RIPOR1: variants seen among roughly 807,000 people sequenced by gnomAD.
The protein encoded by RIPOR1 is rho family-interacting cell polarization regulator 1.
A neutral mutation model predicts 116.5 loss-of-function variants in RIPOR1; 58 were observed. That is an observed-to-expected ratio of 0.50 (90% confidence interval 0.40 to 0.62). The LOEUF (loss-of-function observed/expected upper bound fraction) is 0.62, where lower values mean the gene tolerates loss of function less well. Among genes scored for constraint, RIPOR1 ranks in the 20% least tolerant of loss-of-function variants. The pLI, the probability that RIPOR1 is intolerant of heterozygous loss-of-function variation, is 0.00. For synonymous variants in RIPOR1, 605 were observed against 650.0 expected (o/e 0.93, Z 1.05); for missense variants, 1,372 against 1,586.2 (o/e 0.86, Z 2.29).
Position 67,531,538 on chromosome 16 carries a change from G to C in RIPOR1, c.-24+2624G>C. The stretch of plus-strand genomic sequence containing the variant: ...TCCTGGAGGAAGAAGTCATAGGGTA[G>C]ACTTGAGGAAGGAGAGGGACTTGGG... On this transcript the variant is annotated intron_variant, in intron 1 of 21. Coordinates refer to ENST00000042381, the MANE Select transcript of RIPOR1 (RefSeq NM_024519.4). This position sits in a 1 kb window ranked among gnomAD's most constrained non-coding sequence, Gnocchi z 4.2. 2.3e-6 allele frequency: 1 copy of C among 442,184 alleles called. No homozygotes were observed. Among genetic ancestry groups the C allele is most frequent in the Non-Finnish European group, 4.5e-6 (1 of 220,326 alleles). The allele number at this position is 442,184 out of a possible 1,614,324, so 27.4% of individuals were successfully genotyped here. A position where few individuals can be genotyped will look rare whatever the true frequency, so the allele number is the denominator to read the frequency against.
chr16:67,519,203 C>T (rs894075684), intron 1 of RIPOR1, among the ~76,000 whole-genome samples: 1 of 151,180 alleles, frequency 6.6e-6, no homozygotes, highest in African/African-American at 2.4e-5. Context: ...TTGCTTGAAC[C>T]TGGGAGGCGG....
At chr16:67,518,720 T>G (rs2050468649) in intron 1 of RIPOR1, 1 of 152,478 alleles carries the variant, frequency 6.6e-6, no homozygotes, top group Non-Finnish European at 1.5e-5. Flanking sequence ...ATCTGGGACC[T>G]CTGAGTCTGG....
Position 67,540,684 on chromosome 16 carries a change from A to G in RIPOR1, c.781A>G (p.Thr261Ala). 1 of 1,604,916 alleles carries G rather than the reference A, an allele frequency of 6.2e-7. No homozygotes were observed. The highest frequency in any genetic ancestry group is 8.5e-7 in the Non-Finnish European group (1 of 1,175,342). ...AGAAACCATCTTTCTCCCTCTACTC[A>G]CGGAATTTCTGTCTATTAAGGTGAT... ...SEETIFLPLLTEFLSIKVTEL... is the reference protein window; with the variant it reads ...SEETIFLPLLAEFLSIKVTEL... Residue 261 changes from threonine to alanine, a missense_variant, in exon 10 of 22, where the codon ACG becomes GCG. By Grantham distance (58) the Thr-to-Ala change is moderately conservative (BLOSUM62 0). Coordinates refer to ENST00000042381, the MANE Select transcript of RIPOR1 (RefSeq NM_024519.4). This position sits in a 1 kb window ranked among gnomAD's most constrained non-coding sequence, Gnocchi z 4.7.
chr16:67,539,034 G>A lies in RIPOR1; in HGVS notation c.302G>A (p.Gly101Glu). 1 of 1,613,400 alleles carries A rather than the reference G, an allele frequency of 6.2e-7. No homozygotes were observed. Reference protein sequence around the residue: ...VHQQEQEKLQGQIRESKRNSR... With the variant: ...VHQQEQEKLQEQIRESKRNSR... Reference sequence around the variant, plus strand: ...CAGCAGGAGCAAGAGAAACTCCAGGGGCAGATAAGGGAGTCCAAGAGGAAT... The same window carrying A: ...CAGCAGGAGCAAGAGAAACTCCAGGAGCAGATAAGGGAGTCCAAGAGGAAT... The change falls in exon 4 of 22, where the codon GGG becomes GAG. Residue 101 changes from glycine (G) to glutamate (E), a missense_variant. Coordinates refer to ENST00000042381, the MANE Select transcript of RIPOR1 (RefSeq NM_024519.4).
At position 67,541,475 on chromosome 16, in the gene RIPOR1, G is replaced by A. The variant is rs966628375; in HGVS notation, c.847G>A (p.Val283Ile). 6.2e-7 allele frequency: 1 copy of A among 1,614,024 alleles called. No individual in the cohort carries two copies. The highest frequency in any genetic ancestry group is 8.5e-7 in the Non-Finnish European group (1 of 1,180,014). The part of the protein sequence containing the change: ...GLANHVVVGS[V>I]SCETKDLFAA... ...GGCCAACCATGTGGTTGTGGGCAGT[G>A]TCTCCTGTGAGACCAAGGACCTGTT... The change falls in exon 11 of 22, where the codon GTC becomes ATC. Residue 283 changes from valine to isoleucine, a missense_variant. Transcript: ENST00000042381. This position sits in a 1 kb window ranked among gnomAD's most constrained non-coding sequence, Gnocchi z 4.6.
At chr16:67,523,531 A>T (rs1177758871) in intron 1 of RIPOR1, among the ~76,000 whole-genome samples, 2 of 150,434 alleles carry the variant, frequency 1.3e-5, no homozygotes, top group African/African-American at 4.9e-5. Context: ...TAAAAAAAAA[A>T]AAAAAAAAAA....
In RIPOR1 at chr16:67,541,689, T is replaced by A; in HGVS notation, c.987T>A (p.Ser329=). The change falls in exon 12 of 22, where the codon TCT becomes TCA. Residue 329 remains serine, a synonymous_variant. Coordinates refer to ENST00000042381, the MANE Select transcript of RIPOR1 (RefSeq NM_024519.4). The surrounding 1 kb of genome is among the most constrained non-coding windows in gnomAD (Gnocchi z 4.6). ...AGGATGACCAGCCCTCAGCTGCTTC[T>A]TCTGTCAACAAGGCCTCCACAGTCA... ...FDKDDQPSAA[S]SVNKASTVTK... 3 of 1,614,050 alleles carry A rather than the reference T, an allele frequency of 1.9e-6. No individual in the cohort carries two copies. The highest frequency in any genetic ancestry group is 2.5e-6 in the Non-Finnish European group (3 of 1,179,964).
At chr16:67,520,465 A>AG in intron 1 of RIPOR1, among the ~76,000 whole-genome samples, 1 of 124,362 alleles carries the variant, frequency 8.0e-6, no homozygotes. Flanking sequence ...GAGAAGAGAA[A>AG]AAAGAAAAGA....
In RIPOR1 at chr16:67,546,512, C is replaced by A; in HGVS notation, c.*49C>A. 6.7e-7 allele frequency: 1 copy of A among 1,503,156 alleles called. No individual in the cohort carries two copies. Among genetic ancestry groups the A allele is most frequent in the African/African-American group, 1.4e-5 (1 of 72,894 alleles). The allele number at this position is 1,503,156 out of a possible 1,614,324, so 93.1% of individuals were successfully genotyped here. The stretch of plus-strand genomic sequence containing the variant: ...TGCCCCTTTCCCCCCACTTTCAGGG[C>A]TCACCAGGCACTGGCAGGGAGGGTA... On this transcript the variant is annotated 3_prime_UTR_variant, in exon 22 of 22. Transcript: ENST00000042381.
chr16:67,539,327 C>A, intron 4 of RIPOR1: 1 of 531,124 alleles, frequency 1.9e-6, no homozygotes, highest in East Asian at 3.3e-5. Flanking sequence ...GCAGGAGATT[C>A]TGCTGCAGTG....
Position 67,537,355 on chromosome 16 carries a change from C to T in RIPOR1, c.-23-1069C>T, listed in dbSNP as rs1373402893. The T allele has an allele frequency of 4.1e-6, 5 of 1,222,300 alleles. No individual in the cohort carries two copies. The highest frequency in any genetic ancestry group is 5.1e-6 in the Non-Finnish European group (5 of 979,850). The allele number at this position is 1,222,300 out of a possible 1,614,324, so 75.7% of individuals were successfully genotyped here. On this transcript the variant is annotated intron_variant, in intron 1 of 21. Coordinates refer to ENST00000042381, the MANE Select transcript of RIPOR1 (RefSeq NM_024519.4). The surrounding 1 kb of genome is among the most constrained non-coding windows in gnomAD (Gnocchi z 4.6). The stretch of plus-strand genomic sequence containing the variant: ...CCCCAGCTGAGCAGACCCCTCGCCC[C>T]CCGTCGGTCCCCTCCCCGAGGGGAA...
At position 67,545,733 on chromosome 16, in the gene RIPOR1, A is replaced by C; in HGVS notation, c.3260A>C (p.Glu1087Ala). 6.2e-7 allele frequency: 1 copy of C among 1,607,394 alleles called. No individual in the cohort carries two copies. Among genetic ancestry groups the C allele is most frequent in the Middle Eastern group, 1.7e-4 (1 of 6,018 alleles). The change falls in exon 19 of 22, where the codon GAG becomes GCG. Residue 1087 changes from glutamate (E) to alanine (A), a missense_variant. Transcript: ENST00000042381. This position sits in a 1 kb window ranked among gnomAD's most constrained non-coding sequence, Gnocchi z 4.8. ...CTGAAGGCCCTGAGATTGGCGCCCG[A>C]GGGGCGTCTGCGAAGGGACGGGCTG... is the stretch of plus-strand genomic sequence containing the variant. ...VVLKALRLAP[E>A]GRLRRDGLRA...
At position 67,542,765 on chromosome 16, in the gene RIPOR1, C is replaced by A. The variant is rs750310083; in HGVS notation, c.1979C>A (p.Pro660His). ...LVQTATSPTH[P>H]TTSPTHPTTS... ...CAGACTGCCACAAGTCCCACCCATCCTACCACAAGCCCCACCCATCCCACC... is the reference window on the plus strand; with the variant it reads ...CAGACTGCCACAAGTCCCACCCATCATACCACAAGCCCCACCCATCCCACC... Residue 660 changes from proline to histidine, a missense_variant, in exon 13 of 22, where the codon CCT (proline) becomes CAT (histidine). Pro to His is a moderately conservative substitution (Grantham distance 77). This residue lies in a region of RIPOR1 where 1,005 missense variants were observed against 1,144.7 expected (regional missense o/e 0.88). Transcript: ENST00000042381. This position sits in a 1 kb window ranked among gnomAD's most constrained non-coding sequence, Gnocchi z 4.6. The A allele has an allele frequency of 1.9e-6, 3 of 1,613,806 alleles. No homozygotes were observed. Among genetic ancestry groups the A allele is most frequent in the Non-Finnish European group, 2.5e-6 (3 of 1,179,922 alleles).
intron 1 of RIPOR1, among the ~76,000 whole-genome samples, chr16:67,533,765 A>T (rs985796942): frequency 9.9e-5 from 15 of 151,258 alleles, no homozygotes; most frequent in African/African-American, 3.4e-4. Flanking sequence ...GGAGTAAGAA[A>T]TGGGGTAGCT....
intron 1 of RIPOR1, among the ~76,000 whole-genome samples, chr16:67,521,012 G>A (rs1306623422): frequency 2.0e-5 from 3 of 152,142 alleles, no homozygotes; most frequent in Non-Finnish European, 2.9e-5. Flanking sequence ...GAGGGACAGG[G>A]AGCATTTCTC....
rs1199951718 is a variant in RIPOR1, at chr16:67,544,550, C to T, written c.2733+119C>T. ...TGCCACACCCCAGTGCCCCAGGGCC[C>T]TTGGCATCTGGCCCTTGCTGAATGG... On this transcript the variant is annotated intron_variant, in intron 15 of 21. Coordinates refer to ENST00000042381, the MANE Select transcript of RIPOR1 (RefSeq NM_024519.4). This position sits in a 1 kb window ranked among gnomAD's most constrained non-coding sequence, Gnocchi z 5.1. 6.5e-6 allele frequency: 10 copies of T among 1,529,842 alleles called. No individual in the cohort carries two copies. The highest frequency in any genetic ancestry group is 8.9e-6 in the Non-Finnish European group (10 of 1,128,322). 94.8% of individuals were successfully genotyped at this position (1,529,842 alleles called of 1,614,324 possible).
At position 67,537,670 on chromosome 16, in the gene RIPOR1, G is replaced by T. The variant is rs2142501605; in HGVS notation, c.-23-754G>T. ...GAAGCAGGCCGGGTTTGGGGGCCAG[G>T]AGTGTGTGTTTCGCCGAAGCGGGGT... On this transcript the variant is annotated intron_variant, in intron 1 of 21. Transcript: ENST00000042381. The surrounding 1 kb of genome is among the most constrained non-coding windows in gnomAD (Gnocchi z 4.6). 1.8e-6 allele frequency: 2 copies of T among 1,094,586 alleles called. No individual in the cohort carries two copies. Among genetic ancestry groups the T allele is most frequent in the Non-Finnish European group, 2.4e-6 (2 of 834,946 alleles). 67.8% of individuals were successfully genotyped at this position (1,094,586 alleles called of 1,614,324 possible).
intron 1 of RIPOR1, among the ~76,000 whole-genome samples, chr16:67,520,397 AAAGG>A (rs773515982): frequency 7.5e-4 from 107 of 143,338 alleles, no homozygotes; most frequent in African/African-American, 2.5e-3. Context: ...AAAGAAAAGA[AAAGG>A]AAGGAAGGAA....
chr16:67,535,013 T>C (rs1008160785), intron 1 of RIPOR1, among the ~76,000 whole-genome samples: 1 of 151,984 alleles, frequency 6.6e-6, no homozygotes, highest in African/African-American at 2.4e-5. Flanking sequence ...CAGCTAATTT[T>C]TGTATTTTTA....
Sources: allele counts gnomAD v4.1 joint callset (sites outside exome capture counted in the v4.1 genomes callset), GRCh38; gene constraint gnomAD v4.1.1; regional missense constraint gnomAD v4.1.1; non-coding constraint Gnocchi (gnomAD v3.1); transcripts MANE v1.5; gene names NCBI Gene and HGNC (gene_info 2026-07-23, HGNC 2026-07-21).